The following HECTD4 variants were observed in gnomAD, a reference collection of about 807,000 sequenced individuals.
HECTD4 encodes probable E3 ubiquitin-protein ligase HECTD4.
HECTD4 carries 114 observed loss-of-function variants against 471.5 expected under a neutral mutation model. The observed-to-expected ratio is 0.24, with a 90% CI of 0.21 to 0.28. The LOEUF is 0.28. Ranked by LOEUF, HECTD4 falls within the 10% of genes least tolerant of loss-of-function variation. The pLI is 1.00. For missense variants in HECTD4, 3,866 were observed against 5,651.5 expected (o/e 0.68, Z 10.13); for synonymous variants, 2,012 against 2,256.0 (o/e 0.89, Z 3.07).
chr12:112,259,392 C>T lies in HECTD4; in HGVS notation c.2874-127G>A, dbSNP rs1243903979. The T allele has an allele frequency of 3.1e-5, 28 of 903,258 alleles. No homozygotes were observed. The Middle Eastern group carries it at 6.4e-4, about 21-fold the overall frequency. 56.0% of individuals were successfully genotyped at this position (903,258 alleles called of 1,614,324 possible). On this transcript the variant is annotated intron_variant, in intron 18 of 75. Coordinates refer to ENST00000682272, the MANE Select transcript of HECTD4 (RefSeq NM_001388303.1). Reference sequence around the variant, plus strand: ...CCTTAAACTACTTAAGCACTTTCAGCGATAGCAATTCAGTCCACAAATTTT... The same window carrying T: ...CCTTAAACTACTTAAGCACTTTCAGTGATAGCAATTCAGTCCACAAATTTT...
intron 4 of HECTD4, among the ~76,000 whole-genome samples, chr12:112,311,888 C>T (rs978348282): frequency 6.6e-6 from 1 of 152,202 alleles, no homozygotes; most frequent in African/African-American, 2.4e-5. Context: ...CAGGCATTCT[C>T]CCTCTCCTGT....
intron 17 of HECTD4, 77 bp from the exon 18 acceptor site, chr12:112,261,506 T>C (rs2034144091): frequency 7.5e-7 from 1 of 1,328,960 alleles, no homozygotes; most frequent in East Asian, 2.4e-5. Flanking sequence ...TGAAATGATG[T>C]ATTTAATGAT....
rs773592607 is a variant in HECTD4, at chr12:112,248,304, GT to G, written c.4143+15del. ...TCCATAAAAGAAATTGTTTCCAACA[GT>G]TATCAGACATTTACCTGCAGCTGTC... On this transcript the variant is annotated intron_variant, in intron 26 of 75. Transcript: ENST00000682272. 2 of 1,564,728 alleles carry G rather than the reference GT, an allele frequency of 1.3e-6. No homozygotes were observed. The highest frequency in any genetic ancestry group is 1.7e-6 in the Non-Finnish European group (2 of 1,151,846).
At chr12:112,165,208 C>T (rs973150583) in intron 72 of HECTD4, among the ~76,000 whole-genome samples, 2 of 151,604 alleles carry the variant, frequency 1.3e-5, no homozygotes, top group Admixed American at 6.6e-5. Flanking sequence ...TGAGCCACCG[C>T]GCCTGTCCTC....
chr12:112,334,437 A>G (rs1293899320), intron 1 of HECTD4, among the ~76,000 whole-genome samples: 2 of 151,694 alleles, frequency 1.3e-5, no homozygotes, highest in Non-Finnish European at 2.9e-5. Flanking sequence ...AATGCTCAAC[A>G]TCACTAATGA....
intron 7 of HECTD4, chr12:112,302,319 C>G (rs2035181935): frequency 5.3e-6 from 4 of 759,876 alleles, no homozygotes; most frequent in Non-Finnish European, 7.2e-6. Context: ...TTCTTCTCAG[C>G]CTGGGCCAAC....
intron 2 of HECTD4, among the ~76,000 whole-genome samples, chr12:112,318,355 T>A (rs759361903): frequency 2.6e-5 from 4 of 152,050 alleles, no homozygotes; most frequent in Non-Finnish European, 4.4e-5. Flanking sequence ...GTTGATGACT[T>A]GCACATGAAG....
In HECTD4 at chr12:112,319,909, T is replaced by G. The variant is rs1439095685; in HGVS notation, c.178-167A>C. Among the ~76,000 whole-genome samples the G allele has an allele frequency of 6.6e-6, 1 of 152,254 alleles. No individual in the cohort carries two copies. The highest frequency in any genetic ancestry group is 1.5e-5 in the Non-Finnish European group (1 of 68,046). ...AAAGCCAGCTCTTTGCTGATGGAAT[T>G]GTTCCCCTTTTGGCTTTTCTGTTAA... On this transcript the variant is annotated intron_variant, in intron 1 of 75. Transcript: ENST00000682272. The surrounding 1 kb of genome is among the most constrained non-coding windows in gnomAD (Gnocchi z 5.3).
At chr12:112,369,112 T>C (rs1035144752) in intron 1 of HECTD4, among the ~76,000 whole-genome samples, 23 of 152,096 alleles carry the variant, frequency 1.5e-4, no homozygotes, top group African/African-American at 4.8e-4. Flanking sequence ...ATGGTCTCTG[T>C]ATTAACCGGA....
At chr12:112,170,519 C>T in intron 68 of HECTD4, 67 bp from the exon 69 acceptor site, 1 of 1,572,642 alleles carries the variant, frequency 6.4e-7, no homozygotes, top group Non-Finnish European at 8.6e-7. Context: ...CCCCCCAAGA[C>T]TCTCTTCCGG....
Position 112,217,201 on chromosome 12 carries a change from T to C in HECTD4, c.7075-6A>G. 1 of 1,498,928 alleles carries C rather than the reference T, an allele frequency of 6.7e-7. No individual in the cohort carries two copies. 92.9% of individuals were successfully genotyped at this position (1,498,928 alleles called of 1,614,324 possible). A position where few individuals can be genotyped will look rare whatever the true frequency, so the allele number is the denominator to read the frequency against. ...CTCCAAGTAATCTCTTTGGGCTGCA[T>C]CAGGGAGAAAAACCCATATTCAGTA... On this transcript the variant is annotated splice_polypyrimidine_tract_variant and splice_region_variant and intron_variant, in intron 45 of 75. Coordinates refer to ENST00000682272, the MANE Select transcript of HECTD4 (RefSeq NM_001388303.1).
intron 19 of HECTD4, chr12:112,258,874 AG>A (rs2034083469): frequency 1.8e-6 from 1 of 563,052 alleles, no homozygotes; most frequent in Non-Finnish European, 3.0e-6. Context: ...GCATTTTTAT[AG>A]CTGATCAGCC....
At chr12:112,164,819 A>G (rs1280793638) in intron 72 of HECTD4, among the ~76,000 whole-genome samples, 1 of 150,698 alleles carries the variant, frequency 6.6e-6, no homozygotes, top group Non-Finnish European at 1.5e-5. Flanking sequence ...ACTGGGTTTC[A>G]CTATGTTGGC....
chr12:112,312,036 G>A (rs1205629434), intron 4 of HECTD4, among the ~76,000 whole-genome samples: 1 of 152,192 alleles, frequency 6.6e-6, no homozygotes, highest in African/African-American at 2.4e-5. Flanking sequence ...GATGCGAGGG[G>A]GCCTGCCGCT....
intron 13 of HECTD4, among the ~76,000 whole-genome samples, chr12:112,269,343 A>G (rs1356849278): frequency 6.6e-6 from 1 of 152,208 alleles, no homozygotes; most frequent in Non-Finnish European, 1.5e-5. Flanking sequence ...AGTGAGTGGC[A>G]AAGTCTAGAA....
intron 66 of HECTD4, 70 bp from the exon 67 acceptor site, chr12:112,172,931 T>G: frequency 2.9e-5 from 40 of 1,364,266 alleles, no homozygotes; most frequent in Non-Finnish European, 4.1e-5. Flanking sequence ...TGCATTTCTC[T>G]TACAGAGCCC....
At chr12:112,244,583 C>G (rs1194692099) in intron 29 of HECTD4, among the ~76,000 whole-genome samples, 1 of 152,204 alleles carries the variant, frequency 6.6e-6, no homozygotes, top group Non-Finnish European at 1.5e-5. Context: ...GTTGGCCAGG[C>G]TGGTCTTGAA....
intron 7 of HECTD4, among the ~76,000 whole-genome samples, chr12:112,295,138 G>C (rs79774608): frequency 9.4e-6 from 1 of 106,598 alleles, no homozygotes; most frequent in Non-Finnish European, 1.7e-5. Flanking sequence ...AATCCCGTCT[G>C]AAAAAAAAAA....
intron 44 of HECTD4, among the ~76,000 whole-genome samples, chr12:112,222,625 C>T (rs569810765): frequency 6.6e-6 from 1 of 152,236 alleles, no homozygotes; most frequent in African/African-American, 2.4e-5. Flanking sequence ...TAAGATCGTG[C>T]CACCGCACTC....
Sources: gnomAD v4.1 joint callset for allele counts (sites outside exome capture counted in the v4.1 genomes callset) on GRCh38, gnomAD v4.1.1 for gene constraint, Gnocchi (gnomAD v3.1) non-coding constraint, MANE v1.5 for transcripts, NCBI Gene and HGNC (gene_info 2026-07-23, HGNC 2026-07-21) for gene names.